Variants in TMEM135 observed in about 807,000 individuals in gnomAD.
TMEM135 encodes transmembrane protein 135, also known as peroxisomal membrane protein 52.
Under a neutral mutation model 60.3 loss-of-function variants are expected in TMEM135, and 30 were observed. That is an observed-to-expected ratio of 0.50 (90% CI 0.37 to 0.68). The LOEUF (loss-of-function observed/expected upper bound fraction) is 0.68. Among genes scored for constraint, TMEM135 ranks in the 30% least tolerant of loss-of-function variants. The probability of loss-of-function intolerance (pLI) is 0.00; values close to 1 mark genes in which losing one functional copy is unlikely to be tolerated. For missense variants in TMEM135, 468 were observed against 548.8 expected, an observed-to-expected ratio of 0.85 and a Z score of 1.47; for synonymous variants, 190 against 186.7, an observed-to-expected ratio of 1.02 and a Z score of -0.14.
chr11:87,086,525 G>T (rs988276590), intron 3 of TMEM135, among the ~76,000 whole-genome samples: 2 of 152,144 alleles, frequency 1.3e-5, no homozygotes. Context: ...GAGAGGAGAC[G>T]TGGGGGTGGT....
chr11:87,063,408 G>T (rs112240680), intron 1 of TMEM135, among the ~76,000 whole-genome samples: 1 of 152,106 alleles, frequency 6.6e-6, no homozygotes, highest in Non-Finnish European at 1.5e-5. Flanking sequence ...TGAACATTAC[G>T]AAGTCTTTGA....
chr11:87,113,024 G>C (rs932214619), intron 4 of TMEM135, among the ~76,000 whole-genome samples: 6 of 151,976 alleles, frequency 3.9e-5, no homozygotes, highest in Non-Finnish European at 7.4e-5. Flanking sequence ...AAAGTGAGCT[G>C]TACAATGAAG....
chr11:87,143,392 G>T, intron 4 of TMEM135, among the ~76,000 whole-genome samples: 1 of 149,282 alleles, frequency 6.7e-6, no homozygotes. Context: ...GCTGACCATG[G>T]AGCACACTTT....
intron 5 of TMEM135, 70 bp from the exon 6 acceptor site, chr11:87,236,568 G>T (rs966837881): frequency 1.6e-6 from 2 of 1,274,056 alleles, no homozygotes; most frequent in Non-Finnish European, 2.3e-6. Flanking sequence ...ATAGTATTTT[G>T]CTTTTATGAG....
rs192351780 is a variant in TMEM135 at position 87,174,745 on chromosome 11, C to T, written c.462+17339C>T. On this transcript the variant is annotated intron_variant, in intron 5 of 14. Coordinates refer to ENST00000305494, the MANE Select transcript of TMEM135 (RefSeq NM_022918.4). ...AGTGAAATGGCTTACAGCAGGTCCT[C>T]CAATCATATCCCTTTGTTCAATGCC... Among the ~76,000 whole-genome samples, 7 of 152,232 alleles carry T rather than the reference C, an allele frequency of 4.6e-5. No individual in the cohort carries two copies. In the East Asian group the frequency reaches 1.4e-3, roughly 29 times the overall value.
chr11:87,167,382 T>C (rs1939084720), intron 5 of TMEM135, among the ~76,000 whole-genome samples: 1 of 152,194 alleles, frequency 6.6e-6, no homozygotes, highest in African/African-American at 2.4e-5. Context: ...CTTTGTCTTG[T>C]GCCCATTTTC....
At chr11:87,194,798 C>T (rs150335596) in intron 5 of TMEM135, among the ~76,000 whole-genome samples, 28 of 152,108 alleles carry the variant, frequency 1.8e-4, no homozygotes, top group Non-Finnish European at 3.1e-4. Context: ...TTAGAGCTCT[C>T]GTGAAAGTCA....
chr11:87,110,878 G>A (rs975569212), intron 4 of TMEM135, among the ~76,000 whole-genome samples: 18 of 152,022 alleles, frequency 1.2e-4, no homozygotes, highest in Admixed American at 6.6e-4. Context: ...TAATATTTAG[G>A]TTACTAGCAT....
intron 4 of TMEM135, among the ~76,000 whole-genome samples, chr11:87,102,282 C>G (rs1478286136): frequency 6.6e-6 from 1 of 152,138 alleles, no homozygotes; most frequent in Admixed American, 6.5e-5. Context: ...TCAAGTTCAG[C>G]TAATTTACCA....
At chr11:87,206,711 A>G (rs1940242605) in intron 5 of TMEM135, among the ~76,000 whole-genome samples, 1 of 152,200 alleles carries the variant, frequency 6.6e-6, no homozygotes, top group Admixed American at 6.5e-5. Context: ...TTTAATATTT[A>G]AACGTATTTT....
intron 6 of TMEM135, among the ~76,000 whole-genome samples, chr11:87,292,662 A>G (rs1942287194): frequency 6.6e-6 from 1 of 152,130 alleles, no homozygotes; most frequent in Non-Finnish European, 1.5e-5. Flanking sequence ...GATTCTTTTT[A>G]TGGGAATAAT....
intron 6 of TMEM135, among the ~76,000 whole-genome samples, chr11:87,238,453 A>G (rs1941056210): frequency 1.3e-5 from 2 of 152,044 alleles, no homozygotes; most frequent in South Asian, 4.1e-4. Context: ...AAGATTTTGT[A>G]TCAGTCATTG....
At chr11:87,060,173 A>G (rs1204725558) in intron 1 of TMEM135, among the ~76,000 whole-genome samples, 1 of 152,216 alleles carries the variant, frequency 6.6e-6, no homozygotes, top group Non-Finnish European at 1.5e-5. Flanking sequence ...GGGTAAAGTT[A>G]ATTGCACAGC....
intron 3 of TMEM135, among the ~76,000 whole-genome samples, chr11:87,089,263 G>A (rs887471180): frequency 2.6e-5 from 4 of 152,172 alleles, no homozygotes; most frequent in African/African-American, 9.7e-5. Context: ...AGCGGGGTAC[G>A]GTAGCACATG....
At chr11:87,186,694 T>A (rs1003036422) in intron 5 of TMEM135, among the ~76,000 whole-genome samples, 1 of 152,204 alleles carries the variant, frequency 6.6e-6, no homozygotes, top group African/African-American at 2.4e-5. Flanking sequence ...CGTATATATT[T>A]ATTAAAATTA....
At position 87,201,402 on chromosome 11, in the gene TMEM135, T is replaced by G. The variant is rs145992697; in HGVS notation, c.463-35236T>G. On this transcript the variant is annotated intron_variant, in intron 5 of 14. Transcript: ENST00000305494. Reference sequence around the variant, plus strand: ...TCAAATATAATGAGTTTGTATAGTATATATTCCTGTTTCACTAAAGTTTTA... The same window carrying G: ...TCAAATATAATGAGTTTGTATAGTAGATATTCCTGTTTCACTAAAGTTTTA... 2.0e-3 allele frequency among the ~76,000 whole-genome samples: 298 copies of G among 152,320 alleles called. 1 individual carries two copies. The highest frequency in any genetic ancestry group is 6.8e-3 in the African/African-American group (284 of 41,586).
At chr11:87,258,452 C>T (rs1473448277) in intron 6 of TMEM135, among the ~76,000 whole-genome samples, 1 of 152,128 alleles carries the variant, frequency 6.6e-6, no homozygotes, top group Non-Finnish European at 1.5e-5. Flanking sequence ...GTGCATGTCC[C>T]TCCCCAACAG....
intron 4 of TMEM135, among the ~76,000 whole-genome samples, chr11:87,150,098 T>C (rs116924768): frequency 0.021 from 3,164 of 151,582 alleles, 33 homozygotes; most frequent in South Asian, 0.032. Flanking sequence ...ATGCCTGTAA[T>C]TTGAGCTACT....
intron 1 of TMEM135, among the ~76,000 whole-genome samples, chr11:87,041,669 A>G (rs146961515): frequency 9.1e-4 from 138 of 152,338 alleles, no homozygotes; most frequent in Middle Eastern, 3.4e-3. Flanking sequence ...ATATGTCTCT[A>G]TCTTCTGTTA....
Sources: allele counts gnomAD v4.1 joint callset (sites outside exome capture counted in the v4.1 genomes callset), GRCh38; gene constraint gnomAD v4.1.1; transcripts MANE v1.5; gene names NCBI Gene and HGNC (gene_info 2026-07-23, HGNC 2026-07-21).